Variants in GPHN observed in about 807,000 individuals in gnomAD.
The protein encoded by GPHN is gephyrin.
Under a neutral mutation model 95.5 loss-of-function variants are expected in GPHN, and 17 were observed. The observed-to-expected ratio is 0.18, with a 90% CI of 0.12 to 0.27. The LOEUF (loss-of-function observed/expected upper bound fraction) is 0.27. GPHN is among the 10% of genes least tolerant of loss of function. GPHN has a pLI of 1.00. For missense variants in GPHN, 660 were observed against 978.1 expected (o/e 0.67, Z 4.34); for synonymous variants, 320 against 322.5 (o/e 0.99, Z 0.08).
At chr14:67,699,890 C>A in the GPHN span, among the ~76,000 whole-genome samples, 1 of 152,138 alleles carries the variant, frequency 6.6e-6, no homozygotes, top group African/African-American at 2.4e-5. Flanking sequence ...GCCTGTACTT[C>A]CAGCACTTTG....
the GPHN span, among the ~76,000 whole-genome samples, chr14:67,355,487 A>T: frequency 1.4e-5 from 2 of 147,476 alleles, no homozygotes; most frequent in Non-Finnish European, 3.0e-5. Context: ...AAAAGACTAG[A>T]AATAAAATGT....
chr14:66,600,992 A>G (rs1237468400), intron 1 of GPHN, among the ~76,000 whole-genome samples: 1 of 152,018 alleles, frequency 6.6e-6, no homozygotes, highest in East Asian at 1.9e-4. Flanking sequence ...ATGAGGATTG[A>G]TCGTATTTCT....
At chr14:67,521,974 A>G in the GPHN span, among the ~76,000 whole-genome samples, 2 of 152,108 alleles carry the variant, frequency 1.3e-5, no homozygotes, top group Admixed American at 1.3e-4. Context: ...CAAGAGTTCA[A>G]TATCAGCCTG....
intron 19 of GPHN, among the ~76,000 whole-genome samples, chr14:67,161,834 T>C (rs2081998096): frequency 6.6e-6 from 1 of 152,232 alleles, no homozygotes; most frequent in Admixed American, 6.5e-5. Context: ...AGAAGAGTTA[T>C]TTGTGTAATA....
Position 66,776,480 on chromosome 14 carries a change from T to C in GPHN, c.160T>C (p.Ser54Pro), listed in dbSNP as rs1167624844. The part of the protein sequence containing the change: ...QDPSLLGGTI[S>P]AYKIVPDEIE... ...TAATTTCAGGTTGGGTGGGACTATA[T>C]CAGCATACAAGATAGTACCAGATGA... The change falls in exon 3 of 23, where the codon TCA (serine) becomes CCA (proline). Residue 54 changes from serine to proline, a missense_variant. Physicochemically the swap from Ser to Pro is moderately conservative, Grantham distance 74 (BLOSUM62 -1). This residue lies in a region of GPHN where 92 missense variants were observed against 91.9 expected (regional missense o/e 1.00). Transcript: ENST00000478722. 1.3e-6 allele frequency: 2 copies of C among 1,571,550 alleles called. No individual in the cohort carries two copies. Among genetic ancestry groups the C allele is most frequent in the Non-Finnish European group, 1.7e-6 (2 of 1,143,102 alleles).
the GPHN span, among the ~76,000 whole-genome samples, chr14:67,224,384 G>A: frequency 2.6e-5 from 4 of 151,092 alleles, no homozygotes; most frequent in Non-Finnish European, 4.4e-5. Context: ...TCAGTCTCCC[G>A]AGTAGCTGGG....
In GPHN at chr14:66,637,582, A is replaced by G. The variant is rs143757911; in HGVS notation, c.65-43525A>G. 8.5e-5 allele frequency among the ~76,000 whole-genome samples: 13 copies of G among 152,292 alleles called. No individual in the cohort carries two copies. The East Asian group carries it at 2.5e-3, about 29-fold the overall frequency. On this transcript the variant is annotated intron_variant, in intron 1 of 22. Coordinates refer to ENST00000478722, the MANE Select transcript of GPHN (RefSeq NM_020806.5). ...GAAGTTAAATTTGTTCCTCTGTCTC[A>G]TAAGATAGTATTATAGTTTGTGAGA...
At chr14:67,644,268 A>T in the GPHN span, among the ~76,000 whole-genome samples, 1 of 152,228 alleles carries the variant, frequency 6.6e-6, no homozygotes, top group East Asian at 1.9e-4. Context: ...AACATATATT[A>T]CTACTTTAAT....
At chr14:66,660,093 C>T (rs1595442200) in intron 1 of GPHN, among the ~76,000 whole-genome samples, 1 of 151,416 alleles carries the variant, frequency 6.6e-6, no homozygotes, top group African/African-American at 2.4e-5. Context: ...TTATTGGTTA[C>T]TCTAGTGTAT....
At chr14:67,580,234 T>C in the GPHN span, 2 of 200,970 alleles carry the variant, frequency 1.0e-5, no homozygotes. Flanking sequence ...TTGGACCCCC[T>C]GGATGTCAGG....
At chr14:67,690,571 T>C in the GPHN span, 2 of 662,352 alleles carry the variant, frequency 3.0e-6, no homozygotes, top group Admixed American at 2.7e-5. Flanking sequence ...ACAAGTTTAA[T>C]GAAGGTTTAG....
chr14:67,644,647 G>A, the GPHN span, among the ~76,000 whole-genome samples: 4 of 152,260 alleles, frequency 2.6e-5, no homozygotes, highest in South Asian at 8.3e-4. Flanking sequence ...AGAACAGTTG[G>A]CTAATGTAAG....
chr14:67,498,565 A>C, the GPHN span, among the ~76,000 whole-genome samples: 2 of 152,252 alleles, frequency 1.3e-5, no homozygotes, highest in Non-Finnish European at 2.9e-5. Context: ...TGTGCCCTAA[A>C]AGCAAGGGAA....
At chr14:66,802,486 A>G (rs1004457768) in intron 3 of GPHN, among the ~76,000 whole-genome samples, 2 of 152,146 alleles carry the variant, frequency 1.3e-5, no homozygotes, top group Non-Finnish European at 2.9e-5. Context: ...GTTGCAAGAC[A>G]AAGTCCCTTT....
the GPHN span, chr14:67,590,223 T>C: frequency 4.1e-4 from 586 of 1,420,226 alleles, 4 homozygotes; most frequent in Middle Eastern, 2.7e-3. Flanking sequence ...TATAAGGGAG[T>C]GCAGTGGTGC....
chr14:67,724,591 GGTAA>G, the GPHN span: 2 of 1,609,998 alleles, frequency 1.2e-6, no homozygotes, highest in Non-Finnish European at 1.7e-6. Flanking sequence ...CGCTAGCCGA[GGTAA>G]GTGTTTCCCC....
chr14:67,307,353 A>G, the GPHN span, among the ~76,000 whole-genome samples: 1 of 152,188 alleles, frequency 6.6e-6, no homozygotes, highest in Non-Finnish European at 1.5e-5. Context: ...TCTGAATGGG[A>G]CTTTTTCATT....
chr14:67,516,649 A>G, the GPHN span, among the ~76,000 whole-genome samples: 1 of 152,206 alleles, frequency 6.6e-6, no homozygotes, highest in Non-Finnish European at 1.5e-5. Context: ...ATGGGGCCGT[A>G]GGTCTTCCAT....
chr14:67,273,979 T>C, the GPHN span, among the ~76,000 whole-genome samples: 1 of 152,228 alleles, frequency 6.6e-6, no homozygotes, highest in Non-Finnish European at 1.5e-5. Context: ...GTTTGATTTT[T>C]TCTTGGAAAT....
Sources: allele counts gnomAD v4.1 joint callset (sites outside exome capture counted in the v4.1 genomes callset), GRCh38; gene constraint gnomAD v4.1.1; regional missense constraint gnomAD v4.1.1; transcripts MANE v1.5; gene names NCBI Gene and HGNC (gene_info 2026-07-23, HGNC 2026-07-21).